The following TRAM1 variants were observed in gnomAD, a reference collection of about 807,000 sequenced individuals.
TRAM1 encodes the protein translocating chain-associated membrane protein 1.
In TRAM1, 17 loss-of-function variants were observed where a neutral mutation model predicts 48.7. The observed-to-expected ratio is 0.35, with a 90% CI of 0.24 to 0.52. TRAM1 has a LOEUF of 0.52. TRAM1 is among the 20% of genes least tolerant of loss of function. The pLI is 0.94. For synonymous variants in TRAM1, 182 were observed against 154.0 expected (o/e 1.18, Z -1.34); for missense variants, 351 against 441.5 (o/e 0.79, Z 1.84).
rs1424388393 is a variant in TRAM1, at chr8:70,574,996, A to G, written c.1061T>C (p.Val354Ala). ...TACATTTGAAGTTAATGTTCCATTC[A>G]CACCATTTTCTGCAAAAAGAAAAGA... Reference protein sequence around the residue: ...RSSKKGTENGVNGTLTSNVAD... With the variant: ...RSSKKGTENGANGTLTSNVAD... The change falls in exon 11 of 11, where the codon GTG becomes GCG. Residue 354 changes from valine (V) to alanine (A), a missense_variant. Val to Ala is a moderately conservative substitution (Grantham distance 64). Coordinates refer to ENST00000262213, the MANE Select transcript of TRAM1 (RefSeq NM_014294.6). 1 of 1,607,478 alleles carries G rather than the reference A, an allele frequency of 6.2e-7. No homozygotes were observed. Among genetic ancestry groups the G allele is most frequent in the East Asian group, 2.2e-5 (1 of 44,678 alleles).
At chr8:70,594,737 C>A in intron 5 of TRAM1, 147 bp from the exon 6 acceptor site, 1 of 544,168 alleles carries the variant, frequency 1.8e-6, no homozygotes, top group Non-Finnish European at 3.0e-6. Context: ...AACAACTCTT[C>A]AACAACCTCT....
intron 1 of TRAM1, among the ~76,000 whole-genome samples, chr8:70,602,586 G>A (rs1817627205): frequency 6.6e-6 from 1 of 152,160 alleles, no homozygotes; most frequent in African/African-American, 2.4e-5. Context: ...TATTTTCCCT[G>A]TGTGAGAAAA....
intron 1 of TRAM1, 102 bp from the exon 2 acceptor site, chr8:70,600,184 C>CA: frequency 1.2e-6 from 1 of 839,184 alleles, no homozygotes; most frequent in Non-Finnish European, 1.9e-6. Flanking sequence ...ATCGAAGCAC[C>CA]AAGGGCCTCC....
At chr8:70,578,476 A>T (rs963561074) in intron 10 of TRAM1, among the ~76,000 whole-genome samples, 5 of 152,200 alleles carry the variant, frequency 3.3e-5, no homozygotes, top group Admixed American at 6.5e-5. Context: ...CTCTACAAAA[A>T]ACACAAAAAG....
intron 6 of TRAM1, among the ~76,000 whole-genome samples, chr8:70,590,277 A>T (rs1453921927): frequency 6.6e-6 from 1 of 152,146 alleles, no homozygotes; most frequent in Non-Finnish European, 1.5e-5. Context: ...AGAGAACCTA[A>T]GCTGCCTACT....
rs1261011394 is a variant in TRAM1, at chr8:70,584,473, G to A, written c.747-680C>T. On this transcript the variant is annotated intron_variant, in intron 8 of 10. Coordinates refer to ENST00000262213, the MANE Select transcript of TRAM1 (RefSeq NM_014294.6). ...GAAGGAAATAAAGGGTATTCAATTA[G>A]GAAAAGTGGAAGTCTAATTGTCCCT... Among the ~76,000 whole-genome samples, 12 of 152,280 alleles carry A rather than the reference G, an allele frequency of 7.9e-5. No homozygotes were observed. The East Asian group carries it at 1.9e-3, about 25-fold the overall frequency.
At chr8:70,581,974 G>A (rs754578093) in intron 10 of TRAM1, among the ~76,000 whole-genome samples, 4 of 152,210 alleles carry the variant, frequency 2.6e-5, no homozygotes, top group Non-Finnish European at 5.9e-5. Flanking sequence ...AAAGTGAAGT[G>A]ATGCTAAGGG....
chr8:70,576,068 C>CA (rs1816942518), intron 10 of TRAM1, among the ~76,000 whole-genome samples: 1 of 71,648 alleles, frequency 1.4e-5, no homozygotes, highest in Non-Finnish European at 2.9e-5. Context: ...TAGACTCCAT[C>CA]TAAAAAAAAA....
chr8:70,591,487 AGAGAACAGAG>A (rs1325773766), intron 6 of TRAM1, among the ~76,000 whole-genome samples: 1 of 152,202 alleles, frequency 6.6e-6, no homozygotes, highest in African/African-American at 2.4e-5. Flanking sequence ...GGGGGAAGGG[AGAGAACAGAG>A]AAGGCTGGGT....
chr8:70,606,831 TA>T (rs79575959), intron 1 of TRAM1: 15,347 of 742,884 alleles, frequency 0.021, 46 homozygotes, highest in Non-Finnish European at 0.023. Flanking sequence ...ATTTTAAAAT[TA>T]AAAAAAAAAA....
chr8:70,606,503 A>G (rs1161172595), intron 1 of TRAM1, among the ~76,000 whole-genome samples: 1 of 152,204 alleles, frequency 6.6e-6, no homozygotes, highest in Admixed American at 6.5e-5. Flanking sequence ...CAGGCCTAGC[A>G]CTGTATTTAC....
In TRAM1 at chr8:70,603,586, G is replaced by A. The variant is rs10099272; in HGVS notation, c.124-3504C>T. On this transcript the variant is annotated intron_variant, in intron 1 of 10. Transcript: ENST00000262213. ...ACAAAAATTAGCTGGGCATCGTGGCGGGAGCCTGTAATCCCAGCTACTCAG... is the reference window on the plus strand; with the variant it reads ...ACAAAAATTAGCTGGGCATCGTGGCAGGAGCCTGTAATCCCAGCTACTCAG... 4.0e-3 allele frequency among the ~76,000 whole-genome samples: 605 copies of A among 152,162 alleles called. 4 individuals are homozygous for A. Among genetic ancestry groups the A allele is most frequent in the African/African-American group, 0.014 (577 of 41,512 alleles).
intron 8 of TRAM1, 30 bp from the exon 9 acceptor site, chr8:70,583,823 C>T: frequency 5.9e-6 from 9 of 1,521,892 alleles, no homozygotes; most frequent in Non-Finnish European, 7.9e-6. Flanking sequence ...AGTCAAATTC[C>T]TGAAATCTCA....
In TRAM1 at chr8:70,608,331, T is replaced by C. The variant is rs1586770918; in HGVS notation, c.-132A>G. 6.0e-6 allele frequency: 7 copies of C among 1,175,906 alleles called. No individual in the cohort carries two copies. Among genetic ancestry groups the C allele is most frequent in the East Asian group, 3.1e-5 (1 of 31,792 alleles). 72.8% of individuals were successfully genotyped at this position (1,175,906 alleles called of 1,614,324 possible). A position where few individuals can be genotyped will look rare whatever the true frequency, so the allele number is the denominator to read the frequency against. ...TGCAGCCGCTCGCTGGGGCTTCACT[T>C]CCCATCCCACAGCCAGTACGCAGCC... On this transcript the variant is annotated 5_prime_UTR_variant, in exon 1 of 11. Transcript: ENST00000262213.
At position 70,575,530 on chromosome 8, in the gene TRAM1, C is replaced by T. The variant is rs76997986; in HGVS notation, c.1052-525G>A. On this transcript the variant is annotated intron_variant, in intron 10 of 10. Coordinates refer to ENST00000262213, the MANE Select transcript of TRAM1 (RefSeq NM_014294.6). ...AACTCCCGGGGACCAGTGATGCTCC[C>T]GGGGACCTCAGCCTCCCAAATAGCT... Among the ~76,000 whole-genome samples the T allele has an allele frequency of 4.1e-3, 629 of 152,162 alleles. 1 individual carries two copies. Among genetic ancestry groups the T allele is most frequent in the South Asian group, 0.028 (137 of 4,814 alleles).
chr8:70,595,752 A>G (rs1344764557), intron 5 of TRAM1, among the ~76,000 whole-genome samples: 2 of 152,232 alleles, frequency 1.3e-5, no homozygotes, highest in Non-Finnish European at 2.9e-5. Flanking sequence ...AAATTAATAT[A>G]GAATAGTTGT....
chr8:70,575,314 C>T (rs1180280040), intron 10 of TRAM1, among the ~76,000 whole-genome samples: 2 of 152,200 alleles, frequency 1.3e-5, no homozygotes, highest in Non-Finnish European at 2.9e-5. Context: ...AAACTTTTCA[C>T]ATTTGACAGC....
intron 6 of TRAM1, among the ~76,000 whole-genome samples, chr8:70,588,900 C>A (rs188888233): frequency 6.6e-6 from 1 of 152,196 alleles, no homozygotes; most frequent in Non-Finnish European, 1.5e-5. Flanking sequence ...CTAATTAGAA[C>A]GATGGAAATG....
chr8:70,598,275 C>A lies in TRAM1; in HGVS notation c.188-20G>T, dbSNP rs375876430. The A allele has an allele frequency of 4.4e-6, 7 of 1,593,746 alleles. No individual in the cohort carries two copies. The Admixed American group carries it at 5.3e-5, about 12-fold the overall frequency. On this transcript the variant is annotated intron_variant, in intron 2 of 10. Coordinates refer to ENST00000262213, the MANE Select transcript of TRAM1 (RefSeq NM_014294.6). ...GTTCTTCTGAAGACCAAAAAGGACA[C>A]AAATACACAAAAATATACACAAGGT...
Sources: gnomAD v4.1 joint callset for allele counts (sites outside exome capture counted in the v4.1 genomes callset) on GRCh38, gnomAD v4.1.1 for gene constraint, MANE v1.5 for transcripts, NCBI Gene and HGNC (gene_info 2026-07-23, HGNC 2026-07-21) for gene names.